TVP23B: variants seen among roughly 807,000 people sequenced by gnomAD.
TVP23B encodes the protein Golgi apparatus membrane protein TVP23 homolog B.
A neutral mutation model predicts 30.6 loss-of-function variants in TVP23B; 10 were observed. That is an observed-to-expected ratio of 0.33 (90% CI 0.20 to 0.55). The LOEUF (loss-of-function observed/expected upper bound fraction) is 0.55, where lower values mean the gene tolerates loss of function less well. Ranked by LOEUF, TVP23B falls within the 20% of genes least tolerant of loss-of-function variation. The probability of loss-of-function intolerance (pLI) is 0.91; values close to 1 mark genes in which losing one functional copy is unlikely to be tolerated. For synonymous variants in TVP23B, 67 were observed against 83.1 expected, an observed-to-expected ratio of 0.81 and a Z score of 1.06; for missense variants, 153 against 243.2, an observed-to-expected ratio of 0.63 and a Z score of 2.47.
intron 1 of TVP23B, among the ~76,000 whole-genome samples, chr17:18,784,514 A>G (rs541275120): frequency 6.6e-6 from 1 of 152,128 alleles, no homozygotes; most frequent in South Asian, 2.1e-4. Flanking sequence ...GGGTGGTGGC[A>G]TGTGCCTGTG....
At position 18,789,438 on chromosome 17, in the gene TVP23B, A is replaced by G. The variant is rs1393375617; in HGVS notation, c.95+3A>G. 4 of 1,614,026 alleles carry G rather than the reference A, an allele frequency of 2.5e-6. No homozygotes were observed. The South Asian group carries it at 4.4e-5, about 18-fold the overall frequency. ...AGACCAAGAAAAGCCAAAATCAGGTAGGAGGAGAGAAGTTGCATGAGCTGT... is the reference window on the plus strand; with the variant it reads ...AGACCAAGAAAAGCCAAAATCAGGTGGGAGGAGAGAAGTTGCATGAGCTGT... On this transcript the variant is annotated splice_donor_region_variant and intron_variant, in intron 2 of 6. Transcript: ENST00000307767.
At chr17:18,793,444 A>T (rs1349955907) in intron 3 of TVP23B, among the ~76,000 whole-genome samples, 5 of 63,792 alleles carry the variant, frequency 7.8e-5, no homozygotes, top group African/African-American at 1.7e-4. Flanking sequence ...CATCTCTGCT[A>T]AAAAAAAAAA....
chr17:18,802,364 G>A (rs1216041229), intron 5 of TVP23B, among the ~76,000 whole-genome samples: 22 of 152,182 alleles, frequency 1.4e-4, no homozygotes, highest in Non-Finnish European at 1.2e-4. Context: ...ATCCTTCTGC[G>A]CTTCCTCTCC....
At chr17:18,795,771 G>A (rs547689539) in intron 3 of TVP23B, 1 of 152,344 alleles carries the variant, frequency 6.6e-6, no homozygotes, top group East Asian at 1.9e-4. Flanking sequence ...ACACTAAACA[G>A]TAAGATACTG....
chr17:18,797,357 G>A, intron 3 of TVP23B: 4 of 532,884 alleles, frequency 7.5e-6, no homozygotes, highest in East Asian at 6.7e-5. Context: ...TTTATGGGTG[G>A]ACTTGTTGCT....
intron 5 of TVP23B, among the ~76,000 whole-genome samples, chr17:18,803,622 A>G (rs970852963): frequency 2.0e-5 from 3 of 152,280 alleles, no homozygotes; most frequent in African/African-American, 7.2e-5. Flanking sequence ...CGGGGAAGGC[A>G]GGCATCGGTT....
intron 2 of TVP23B, among the ~76,000 whole-genome samples, chr17:18,790,349 A>C (rs1218666693): frequency 1.3e-5 from 2 of 151,460 alleles, no homozygotes; most frequent in Non-Finnish European, 2.9e-5. Flanking sequence ...CTGTAGTCCC[A>C]GCTACTTGGG....
At chr17:18,789,911 T>C (rs1426374937) in intron 2 of TVP23B, among the ~76,000 whole-genome samples, 1 of 152,186 alleles carries the variant, frequency 6.6e-6, no homozygotes, top group Non-Finnish European at 1.5e-5. Context: ...TATTGTATGA[T>C]TTCATTTATA....
intron 1 of TVP23B, among the ~76,000 whole-genome samples, chr17:18,784,919 G>C (rs1263614866): frequency 6.6e-6 from 1 of 152,124 alleles, no homozygotes; most frequent in Admixed American, 6.5e-5. Flanking sequence ...AAAAACTTTG[G>C]AATCTTCCTT....
chr17:18,784,586 G>A (rs2035871235), intron 1 of TVP23B, among the ~76,000 whole-genome samples: 1 of 152,158 alleles, frequency 6.6e-6, no homozygotes, highest in South Asian at 2.1e-4. Context: ...GGGAGGTGGA[G>A]GTTGCAGTGA....
chr17:18,786,770 G>A (rs954888429), intron 1 of TVP23B, among the ~76,000 whole-genome samples: 1 of 151,570 alleles, frequency 6.6e-6, no homozygotes, highest in Non-Finnish European at 1.5e-5. Context: ...GGAGCTTCTC[G>A]CATCCATCAC....
intron 1 of TVP23B, among the ~76,000 whole-genome samples, chr17:18,784,647 C>T (rs576182201): frequency 3.7e-4 from 56 of 150,280 alleles, no homozygotes; most frequent in African/African-American, 1.1e-3. Context: ...GAGACTCCGT[C>T]TCAAAAAAAA....
In TVP23B at chr17:18,805,677, T is replaced by C; in HGVS notation, c.*110T>C. On this transcript the variant is annotated 3_prime_UTR_variant, in exon 7 of 7. Transcript: ENST00000307767. ...CAACGAGGAGTGTTGGCTTTGTTTT[T>C]CCACTTAAAAACTTTATTTATAAAA... 1 of 1,508,208 alleles carries C rather than the reference T, an allele frequency of 6.6e-7. No individual in the cohort carries two copies. The highest frequency in any genetic ancestry group is 8.8e-7 in the Non-Finnish European group (1 of 1,130,016). 93.4% of individuals were successfully genotyped at this position (1,508,208 alleles called of 1,614,324 possible).
intron 5 of TVP23B, among the ~76,000 whole-genome samples, chr17:18,803,163 A>T (rs1390173016): frequency 1.3e-5 from 2 of 152,042 alleles, no homozygotes; most frequent in African/African-American, 2.4e-5. Context: ...ACAGATATAA[A>T]AGAGTAGAAT....
At chr17:18,788,451 G>A (rs2035943235) in intron 1 of TVP23B, among the ~76,000 whole-genome samples, 1 of 151,906 alleles carries the variant, frequency 6.6e-6, no homozygotes, top group South Asian at 2.1e-4. Flanking sequence ...CCTAATAAGT[G>A]GCCTTGAAGA....
chr17:18,782,027 G>A (rs1409801378), intron 1 of TVP23B: 1 of 151,440 alleles, frequency 6.6e-6, no homozygotes, highest in African/African-American at 2.4e-5. Flanking sequence ...ACGATAAATT[G>A]TATAACCAAA....
chr17:18,795,343 T>C (rs924986377), intron 3 of TVP23B, among the ~76,000 whole-genome samples: 1 of 152,092 alleles, frequency 6.6e-6, no homozygotes, highest in African/African-American at 2.4e-5. Context: ...GCTCTTCTTC[T>C]TTGAGTGTTC....
At chr17:18,781,638 C>A in intron 1 of TVP23B, 1 of 389,620 alleles carries the variant, frequency 2.6e-6, no homozygotes, top group Non-Finnish European at 4.6e-6. Context: ...CTCTTAGCTT[C>A]CTGACACCCA....
In TVP23B at chr17:18,789,289, A is replaced by C. The variant is rs1180413763; in HGVS notation, c.13-64A>C. On this transcript the variant is annotated intron_variant, in intron 1 of 6. Transcript: ENST00000307767. Reference sequence around the variant, plus strand: ...TATTTTGATGAGTATGCAGCTTTGCATTGCAGTGGCTGTGTAAACACTGAA... The same window carrying C: ...TATTTTGATGAGTATGCAGCTTTGCCTTGCAGTGGCTGTGTAAACACTGAA... 27 of 1,601,488 alleles carry C rather than the reference A, an allele frequency of 1.7e-5. No homozygotes were observed. In the Admixed American group the frequency reaches 1.8e-4, roughly 11 times the overall value.
Sources: allele counts gnomAD v4.1 joint callset (sites outside exome capture counted in the v4.1 genomes callset), GRCh38; gene constraint gnomAD v4.1.1; transcripts MANE v1.5; gene names NCBI Gene and HGNC (gene_info 2026-07-23, HGNC 2026-07-21).